Variants in CDH18 observed in about 807,000 individuals in gnomAD.
CDH18 encodes cadherin-18.
A neutral mutation model predicts 67.9 loss-of-function variants in CDH18; 31 were observed. The observed-to-expected ratio is 0.46, with a 90% CI of 0.34 to 0.62. The LOEUF is 0.62. Ranked by LOEUF, CDH18 falls within the 20% of genes least tolerant of loss-of-function variation. The pLI is 0.01. For synonymous variants in CDH18, 362 were observed against 347.2 expected (o/e 1.04, Z -0.48); for missense variants, 890 against 975.5 (o/e 0.91, Z 1.17).
chr5:20,080,260 C>A (rs1744336455), intron 2 of CDH18, among the ~76,000 whole-genome samples: 1 of 151,906 alleles, frequency 6.6e-6, no homozygotes, highest in African/African-American at 2.4e-5. Context: ...TTACATTGGC[C>A]TTCCTTGAAA....
chr5:20,272,504 T>C (rs999573832), intron 1 of CDH18, among the ~76,000 whole-genome samples: 22 of 152,050 alleles, frequency 1.4e-4, no homozygotes, highest in African/African-American at 4.6e-4. Flanking sequence ...AAATAATTAA[T>C]GTAGAACAAT....
chr5:20,100,029 G>A (rs1432016559), intron 2 of CDH18, among the ~76,000 whole-genome samples: 3 of 152,008 alleles, frequency 2.0e-5, no homozygotes, highest in South Asian at 2.1e-4. Context: ...CAAATGGTCC[G>A]CCCGCCTTGG....
intron 8 of CDH18, among the ~76,000 whole-genome samples, chr5:19,564,252 C>G (rs1018945662): frequency 6.6e-6 from 1 of 152,164 alleles, no homozygotes; most frequent in Admixed American, 6.5e-5. Context: ...CTGGCGTGGT[C>G]AAGGGAGTGC....
At chr5:19,766,192 A>G (rs1398877063) in intron 3 of CDH18, among the ~76,000 whole-genome samples, 4 of 152,232 alleles carry the variant, frequency 2.6e-5, no homozygotes, top group East Asian at 1.9e-4. Flanking sequence ...AACTTTTTCA[A>G]TCGTAAAGTC....
intron 2 of CDH18, among the ~76,000 whole-genome samples, chr5:19,921,259 T>TA (rs1218900149): frequency 6.6e-6 from 1 of 151,960 alleles, no homozygotes; most frequent in Non-Finnish European, 1.5e-5. Flanking sequence ...AGGCCGGGCA[T>TA]AGTGGCTCAC....
chr5:20,065,806 CA>C (rs1241705197), intron 2 of CDH18, among the ~76,000 whole-genome samples: 1 of 151,854 alleles, frequency 6.6e-6, no homozygotes, highest in Non-Finnish European at 1.5e-5. Flanking sequence ...GTCATAAAGT[CA>C]AAAAATCCTA....
chr5:20,288,754 C>T (rs574297256), intron 1 of CDH18, among the ~76,000 whole-genome samples: 2 of 151,954 alleles, frequency 1.3e-5, no homozygotes, highest in South Asian at 2.1e-4. Flanking sequence ...TGCACACACA[C>T]ACGTAACATG....
intron 2 of CDH18, among the ~76,000 whole-genome samples, chr5:19,931,716 C>T (rs2150200914): frequency 6.6e-6 from 1 of 151,880 alleles, no homozygotes; most frequent in Admixed American, 6.6e-5. Flanking sequence ...CTAATATTTT[C>T]CTTTGTTTAA....
At chr5:20,242,624 A>ACATG (rs1281783130) in intron 2 of CDH18, among the ~76,000 whole-genome samples, 1 of 36,736 alleles carries the variant, frequency 2.7e-5, no homozygotes, top group Non-Finnish European at 6.2e-5. Flanking sequence ...ATATATATAT[A>ACATG]TATATATATG....
chr5:19,544,498 C>G (rs1735979965), intron 8 of CDH18, among the ~76,000 whole-genome samples: 1 of 151,954 alleles, frequency 6.6e-6, no homozygotes, highest in Non-Finnish European at 1.5e-5. Context: ...CATTGTACCT[C>G]CATCACAGTT....
At chr5:20,332,238 C>T (rs1739252768) in intron 1 of CDH18, among the ~76,000 whole-genome samples, 1 of 152,150 alleles carries the variant, frequency 6.6e-6, no homozygotes, top group African/African-American at 2.4e-5. Context: ...CCAATAAGAG[C>T]AGGGTATTTG....
chr5:20,236,312 C>A (rs917726921), intron 2 of CDH18, among the ~76,000 whole-genome samples: 1 of 150,334 alleles, frequency 6.7e-6, no homozygotes, highest in Non-Finnish European at 1.5e-5. Flanking sequence ...AATATACATG[C>A]TAATTACAGA....
At chr5:19,808,605 C>T (rs1778292981) in intron 3 of CDH18, among the ~76,000 whole-genome samples, 1 of 151,854 alleles carries the variant, frequency 6.6e-6, no homozygotes, top group African/African-American at 2.4e-5. Context: ...GTGGGTGAAT[C>T]ACCTGAGGTC....
At chr5:20,172,220 A>G (rs966465967) in intron 2 of CDH18, among the ~76,000 whole-genome samples, 2 of 79,482 alleles carry the variant, frequency 2.5e-5, no homozygotes, top group African/African-American at 1.1e-4. Context: ...ATATATATAT[A>G]TATGTATATA....
At position 19,779,395 on chromosome 5, in the gene CDH18, T is replaced by C. The variant is rs138921986; in HGVS notation, c.229-32159A>G. 2.0e-3 allele frequency among the ~76,000 whole-genome samples: 304 copies of C among 152,238 alleles called. 2 individuals carry two copies. Among genetic ancestry groups the C allele is most frequent in the African/African-American group, 7.1e-3 (294 of 41,554 alleles). ...AATTGAGTTAGTTTATTGTTTTAAGTGGAGAATAAATTATTGTAACAAATA... is the reference window on the plus strand; with the variant it reads ...AATTGAGTTAGTTTATTGTTTTAAGCGGAGAATAAATTATTGTAACAAATA... On this transcript the variant is annotated intron_variant, in intron 3 of 12. Transcript: ENST00000382275.
rs1357996475 is a variant in CDH18, at chr5:20,437,207, T to C, written c.-580+138255A>G. 2.0e-5 allele frequency among the ~76,000 whole-genome samples: 3 copies of C among 151,328 alleles called. No individual in the cohort carries two copies. The South Asian group carries it at 6.2e-4, about 31-fold the overall frequency. On this transcript the variant is annotated intron_variant, in intron 1 of 14. Coordinates refer to the CDH18 transcript ENST00000507958. ...ATGAGGTGAATATAATGAAGACTTT[T>C]TGTTTAATATAAATACTACATTGCC...
At chr5:20,388,798 C>T (rs1409111517) in intron 1 of CDH18, among the ~76,000 whole-genome samples, 2 of 152,052 alleles carry the variant, frequency 1.3e-5, no homozygotes, top group East Asian at 1.9e-4. Flanking sequence ...GCCTTGATTT[C>T]GTTATGTACC....
chr5:20,567,282 A>T (rs1414207438), intron 1 of CDH18, among the ~76,000 whole-genome samples: 3 of 152,154 alleles, frequency 2.0e-5, no homozygotes, highest in African/African-American at 7.2e-5. Context: ...GATTCAAATA[A>T]ATGCTTTTTA....
intron 1 of CDH18, among the ~76,000 whole-genome samples, chr5:20,376,564 A>T (rs1356865523): frequency 1.2e-5 from 1 of 82,610 alleles, no homozygotes; most frequent in African/African-American, 6.3e-5. Flanking sequence ...TTGCTTAATT[A>T]AAAAAAAAAA....
Sources: gnomAD v4.1 joint callset for allele counts (sites outside exome capture counted in the v4.1 genomes callset) on GRCh38, gnomAD v4.1.1 for gene constraint, MANE v1.5 for transcripts, NCBI Gene and HGNC (gene_info 2026-07-23, HGNC 2026-07-21) for gene names.